The following NRXN3 variants were observed in gnomAD, a reference collection of about 807,000 sequenced individuals.
The protein encoded by NRXN3 is neurexin III.
NRXN3 carries 32 observed loss-of-function variants against 137.6 expected under a neutral mutation model. The observed-to-expected ratio is 0.23, with a 90% confidence interval of 0.18 to 0.31. NRXN3 has a LOEUF of 0.31. NRXN3 is among the 10% of genes least tolerant of loss of function. NRXN3 has a pLI of 1.00. For missense variants in NRXN3, 1,574 were observed against 2,062.5 expected, an observed-to-expected ratio of 0.76 and a Z score of 4.59; for synonymous variants, 798 against 784.5, an observed-to-expected ratio of 1.02 and a Z score of -0.29.
chr14:78,688,940 C>A (rs1445200107), intron 6 of NRXN3, among the ~76,000 whole-genome samples: 1 of 151,838 alleles, frequency 6.6e-6, no homozygotes, highest in East Asian at 1.9e-4. Context: ...GTTTAAATAC[C>A]TTTGCAAGAG....
intron 15 of NRXN3, among the ~76,000 whole-genome samples, chr14:79,048,821 G>A (rs1184835456): frequency 6.7e-6 from 1 of 149,176 alleles, no homozygotes; most frequent in Admixed American, 6.7e-5. Context: ...TCAGGAGATC[G>A]AGACCATCCT....
chr14:79,394,743 T>C (rs4903853), intron 15 of NRXN3, among the ~76,000 whole-genome samples: 53,418 of 152,058 alleles, frequency 0.35, 9,646 homozygotes, highest in Admixed American at 0.4. Flanking sequence ...TTTTTAAAAG[T>C]ATCCCAGGGG....
chr14:79,183,099 T>C (rs2063125060), intron 15 of NRXN3, among the ~76,000 whole-genome samples: 1 of 152,230 alleles, frequency 6.6e-6, no homozygotes, highest in African/African-American at 2.4e-5. Flanking sequence ...TAAGATGTAA[T>C]TATTATTTTG....
intron 15 of NRXN3, among the ~76,000 whole-genome samples, chr14:79,466,325 C>T (rs929887740): frequency 2.2e-4 from 33 of 152,166 alleles, no homozygotes; most frequent in African/African-American, 7.5e-4. Context: ...CGGTGGCTCA[C>T]GCCTGTAATC....
At position 78,888,871 on chromosome 14, in the gene NRXN3, A is replaced by ACACACACACACACACC. The variant is rs1491176672; in HGVS notation, c.2276-68370_2276-68369insACACACACACACACCC. On this transcript the variant is annotated intron_variant, in intron 10 of 20. Coordinates refer to ENST00000335750, the MANE Select transcript of NRXN3 (RefSeq NM_001330195.2). ...CATACACACACACACACACACACAC[A>ACACACACACACACACC]CCCCAGATTTGGCATGAGAAGAACA... Among the ~76,000 whole-genome samples the ACACACACACACACACC allele has an allele frequency of 9.5e-3, 1,386 of 146,260 alleles. 27 individuals carry two copies. The highest frequency in any genetic ancestry group is 0.034 in the African/African-American group (1,316 of 38,512).
At chr14:79,718,040 T>C (rs554149916) in intron 19 of NRXN3, among the ~76,000 whole-genome samples, 1 of 152,288 alleles carries the variant, frequency 6.6e-6, no homozygotes, top group South Asian at 2.1e-4. Flanking sequence ...GGGCAGAGAC[T>C]ACCGATAAAT....
chr14:78,394,661 T>G (rs1381242845), intron 4 of NRXN3, among the ~76,000 whole-genome samples: 1 of 151,906 alleles, frequency 6.6e-6, no homozygotes. Flanking sequence ...TTTAAATGTT[T>G]GGTAGAATAT....
intron 6 of NRXN3, among the ~76,000 whole-genome samples, chr14:78,659,383 A>T (rs575170742): frequency 1.3e-5 from 2 of 152,292 alleles, no homozygotes; most frequent in Admixed American, 1.3e-4. Flanking sequence ...CATAAAAAAA[A>T]GATGGCCATT....
At chr14:79,585,857 C>T (rs895247942) in intron 16 of NRXN3, among the ~76,000 whole-genome samples, 21 of 152,144 alleles carry the variant, frequency 1.4e-4, no homozygotes, top group African/African-American at 4.8e-4. Context: ...AGCCTCTTAA[C>T]GATGAGGTAT....
intron 15 of NRXN3, among the ~76,000 whole-genome samples, chr14:79,166,964 A>T (rs543396935): frequency 5.2e-4 from 79 of 152,160 alleles, no homozygotes; most frequent in African/African-American, 1.7e-3. Context: ...AAGAGCACAG[A>T]TGATAAAATA....
At chr14:78,258,997 T>TGGC (rs974527539) in intron 2 of NRXN3, among the ~76,000 whole-genome samples, 14 of 151,966 alleles carry the variant, frequency 9.2e-5, no homozygotes, top group Admixed American at 2.0e-4. Context: ...CTGGGCGTGG[T>TGGC]GGCGGGTGCC....
intron 16 of NRXN3, among the ~76,000 whole-genome samples, chr14:79,628,270 TAG>T (rs2098304014): frequency 1.3e-5 from 2 of 152,332 alleles, no homozygotes; most frequent in South Asian, 4.1e-4. Context: ...ATTTGTGGAA[TAG>T]AGAGATTTTT....
chr14:78,754,341 G>C (rs2098657616), intron 8 of NRXN3, among the ~76,000 whole-genome samples: 1 of 152,054 alleles, frequency 6.6e-6, no homozygotes, highest in Admixed American at 6.6e-5. Context: ...CCAGTCCTGG[G>C]TACTCCCCAC....
intron 15 of NRXN3, among the ~76,000 whole-genome samples, chr14:79,273,587 T>G (rs1656099486): frequency 6.6e-6 from 1 of 152,098 alleles, no homozygotes; most frequent in African/African-American, 2.4e-5. Flanking sequence ...TGAGCCAAGA[T>G]CGCGCCACTG....
rs1011653887 is a variant in NRXN3 at position 78,667,632 on chromosome 14, A to G, written c.1221+16306A>G. ...TTTGACCACAATTGAAATGTGGTCAAAGGAGACCATCTGCCAAAGGAGAAT... is the reference window on the plus strand; with the variant it reads ...TTTGACCACAATTGAAATGTGGTCAGAGGAGACCATCTGCCAAAGGAGAAT... On this transcript the variant is annotated intron_variant, in intron 6 of 20. Coordinates refer to ENST00000335750, the MANE Select transcript of NRXN3 (RefSeq NM_001330195.2). 2.0e-5 allele frequency among the ~76,000 whole-genome samples: 3 copies of G among 152,226 alleles called. No individual in the cohort carries two copies. In the South Asian group the frequency reaches 6.2e-4, roughly 32 times the overall value.
At chr14:79,704,553 G>A (rs936358437) in intron 19 of NRXN3, among the ~76,000 whole-genome samples, 3 of 152,158 alleles carry the variant, frequency 2.0e-5, no homozygotes, top group African/African-American at 7.2e-5. Context: ...TCCGGGGGAA[G>A]TTTATTTTTA....
chr14:79,249,207 G>A (rs934957038), intron 15 of NRXN3, among the ~76,000 whole-genome samples: 1 of 152,012 alleles, frequency 6.6e-6, no homozygotes, highest in Non-Finnish European at 1.5e-5. Context: ...GTAGGAAGTA[G>A]GGAAAAAAGA....
rs186582885 is a variant in NRXN3 at position 79,107,169 on chromosome 14, A to G, written c.3262+119028A>G. Among the ~76,000 whole-genome samples the G allele has an allele frequency of 2.6e-4, 39 of 152,292 alleles. No homozygotes were observed. The East Asian group carries it at 7.5e-3, about 29-fold the overall frequency. ...ACCTAAGAGCCCTCCTCAGCTAAAA[A>G]ACACCATAAAGTTCATTTAATACAA... On this transcript the variant is annotated intron_variant, in intron 15 of 20. Transcript: ENST00000335750.
At chr14:79,050,477 A>G (rs1035956268) in intron 15 of NRXN3, among the ~76,000 whole-genome samples, 1 of 152,250 alleles carries the variant, frequency 6.6e-6, no homozygotes, top group African/African-American at 2.4e-5. Context: ...GTTCATACTT[A>G]TAGAATATGC....
Sources: gnomAD v4.1 joint callset for allele counts (sites outside exome capture counted in the v4.1 genomes callset) on GRCh38, gnomAD v4.1.1 for gene constraint, MANE v1.5 for transcripts, NCBI Gene and HGNC (gene_info 2026-07-23, HGNC 2026-07-21) for gene names.